The following PRRX1 variants were observed in gnomAD, a reference collection of about 807,000 sequenced individuals.
The protein encoded by PRRX1 is paired mesoderm homeobox protein 1.
PRRX1 carries 8 observed loss-of-function variants against 24.0 expected under a neutral mutation model. That is an observed-to-expected ratio of 0.33 (90% CI 0.20 to 0.60). PRRX1 has a LOEUF of 0.60. Among genes scored for constraint, PRRX1 ranks in the 20% least tolerant of loss-of-function variants. PRRX1 has a pLI of 0.82. For synonymous variants in PRRX1, 160 were observed against 131.7 expected (o/e 1.22, Z -1.47); for missense variants, 281 against 322.4 (o/e 0.87, Z 0.98).
At chr1:170,724,212 C>G (rs1655178589) in intron 2 of PRRX1, among the ~76,000 whole-genome samples, 1 of 152,112 alleles carries the variant, frequency 6.6e-6, no homozygotes, top group African/African-American at 2.4e-5. Context: ...GGATAGATTA[C>G]AAAAATCTTC....
chr1:170,718,456 G>T (rs1270465927), intron 1 of PRRX1, among the ~76,000 whole-genome samples: 1 of 152,120 alleles, frequency 6.6e-6, no homozygotes, highest in Admixed American at 6.5e-5. Flanking sequence ...TAATAGTTTT[G>T]CTGAGTACAT....
At position 170,719,706 on chromosome 1, in the gene PRRX1, A is replaced by G. The variant is rs751830909; in HGVS notation, c.242-20A>G. ...CCTACAGTGAATTTGGCTTCTTTTCATCATTGTGTTCTATTCCAGATGACC... is the reference window on the plus strand; with the variant it reads ...CCTACAGTGAATTTGGCTTCTTTTCGTCATTGTGTTCTATTCCAGATGACC... On this transcript the variant is annotated intron_variant, in intron 1 of 3. Coordinates refer to ENST00000239461, the MANE Select transcript of PRRX1 (RefSeq NM_022716.4). The G allele has an allele frequency of 1.2e-5, 19 of 1,613,512 alleles. No individual in the cohort carries two copies. The highest frequency in any genetic ancestry group is 1.4e-5 in the Non-Finnish European group (17 of 1,179,712).
In PRRX1 at chr1:170,681,494, C is replaced by CA. The variant is rs35891147; in HGVS notation, c.241+17046dup. Among the ~76,000 whole-genome samples, 1,058 of 143,690 alleles carry CA rather than the reference C, an allele frequency of 7.4e-3. 7 individuals are homozygous for CA. Among genetic ancestry groups the CA allele is most frequent in the African/African-American group, 0.018 (708 of 39,406 alleles). 94.3% of individuals were successfully genotyped at this position (143,690 alleles called of 152,430 possible). On this transcript the variant is annotated intron_variant, in intron 1 of 3. Coordinates refer to ENST00000239461, the MANE Select transcript of PRRX1 (RefSeq NM_022716.4). ...AATCCTGCAGAAAATGTTATCTTTG[C>CA]AAAAAAAAAAACCCTCTTAATAGCA... is the stretch of plus-strand genomic sequence containing the variant.
upstream of PRRX1, chr1:170,664,107 C>CTCTCTCTCTCTCTCTCTCTCTCTCTCT (rs1553250934): frequency 2.7e-6 from 3 of 1,091,330 alleles, no homozygotes; most frequent in African/African-American, 4.9e-5. Context: ...CTCTCTCTCT[C>CTCTCTCTCTCTCTCTCTCTCTCTCTCT]CACTACCCCC....
intron 3 of PRRX1, chr1:170,730,470 G>A: frequency 1.3e-6 from 1 of 776,286 alleles, no homozygotes; most frequent in Non-Finnish European, 2.2e-6. Flanking sequence ...CTCAAGTGAG[G>A]AATATTATTG....
intron 1 of PRRX1, chr1:170,667,308 G>GCACA (rs1299091079): frequency 1.1e-3 from 125 of 116,226 alleles, no homozygotes; most frequent in African/African-American, 4.8e-3. Context: ...GCGCGCGCGC[G>GCACA]CGCACACACA....
chr1:170,715,347 TAA>T (rs1274887250), intron 1 of PRRX1, among the ~76,000 whole-genome samples: 1 of 152,188 alleles, frequency 6.6e-6, no homozygotes, highest in Non-Finnish European at 1.5e-5. Flanking sequence ...TACTGTAATG[TAA>T]TATGTCAAGG....
intron 1 of PRRX1, among the ~76,000 whole-genome samples, chr1:170,698,523 C>T (rs984256453): frequency 6.6e-6 from 1 of 152,188 alleles, no homozygotes; most frequent in African/African-American, 2.4e-5. Context: ...GTTTTAGAAT[C>T]ACAGTAGAGG....
chr1:170,688,592 A>G (rs1220764957), intron 1 of PRRX1, among the ~76,000 whole-genome samples: 1 of 152,184 alleles, frequency 6.6e-6, no homozygotes, highest in African/African-American at 2.4e-5. Context: ...AAACATTTAA[A>G]TAAACCTCCT....
In PRRX1 at chr1:170,738,016, T is replaced by A. The variant is rs190652230; in HGVS notation, c.*1830T>A. ...ATACTTATAACCTTGTATTTGGAAA[T>A]GAGAAATAGGTTTATATTTTCAGAT... On this transcript the variant is annotated 3_prime_UTR_variant, in exon 4 of 4. Coordinates refer to ENST00000239461, the MANE Select transcript of PRRX1 (RefSeq NM_022716.4). 4.6e-6 allele frequency: 1 copy of A among 217,596 alleles called. No individual in the cohort carries two copies. Among genetic ancestry groups the A allele is most frequent in the Non-Finnish European group, 9.3e-6 (1 of 107,842 alleles). The allele number at this position is 217,596 out of a possible 1,614,324, so 13.5% of individuals were successfully genotyped here. A position where few individuals can be genotyped will look rare whatever the true frequency, so the allele number is the denominator to read the frequency against.
intron 2 of PRRX1, among the ~76,000 whole-genome samples, chr1:170,720,644 G>A (rs550859287): frequency 9.9e-5 from 15 of 152,284 alleles, no homozygotes; most frequent in South Asian, 8.3e-4. Context: ...CAAGAAACTT[G>A]TTGTAAGTAC....
chr1:170,663,129 A>C, upstream of PRRX1: 1 of 145,474 alleles, frequency 6.9e-6, no homozygotes, highest in African/African-American at 2.6e-5. Context: ...TTTCTCTCTA[A>C]CTCTGATGTT....
At chr1:170,734,972 A>G (rs1472370561) in intron 3 of PRRX1, among the ~76,000 whole-genome samples, 1 of 152,212 alleles carries the variant, frequency 6.6e-6, no homozygotes, top group Non-Finnish European at 1.5e-5. Context: ...ATTGGAATGC[A>G]GGCAACAGAA....
intron 1 of PRRX1, chr1:170,667,693 T>A (rs1334620211): frequency 6.6e-6 from 1 of 152,144 alleles, no homozygotes; most frequent in East Asian, 1.9e-4. Flanking sequence ...ACCAGGAGTC[T>A]GGCGCTCTTT....
chr1:170,679,597 C>A (rs1653439374), intron 1 of PRRX1, among the ~76,000 whole-genome samples: 1 of 152,130 alleles, frequency 6.6e-6, no homozygotes, highest in Admixed American at 6.5e-5. Flanking sequence ...GACGGGGCTT[C>A]ACCGTGTTAG....
intron 1 of PRRX1, among the ~76,000 whole-genome samples, chr1:170,687,315 G>A (rs544733244): frequency 6.6e-6 from 1 of 152,256 alleles, no homozygotes; most frequent in Admixed American, 6.5e-5. Context: ...GGCATTTATT[G>A]AAACTAAACA....
intron 2 of PRRX1, among the ~76,000 whole-genome samples, chr1:170,721,582 G>A (rs1014373610): frequency 2.0e-5 from 3 of 152,154 alleles, no homozygotes; most frequent in African/African-American, 7.2e-5. Context: ...AAAGAAAAAT[G>A]TCAGTGACAA....
intron 1 of PRRX1, among the ~76,000 whole-genome samples, chr1:170,691,228 G>A (rs1040138767): frequency 1.3e-5 from 2 of 152,108 alleles, no homozygotes; most frequent in African/African-American, 4.8e-5. Context: ...CAGATGGGTT[G>A]CATGTTTGCA....
chr1:170,684,173 A>C lies in PRRX1; in HGVS notation c.241+19714A>C, dbSNP rs531085910. Reference sequence around the variant, plus strand: ...TTCCTCCTCTTTTCCCTATCACTCAATGGTCCCTCGTGCTCTCAGGTGGCA... The same window carrying C: ...TTCCTCCTCTTTTCCCTATCACTCACTGGTCCCTCGTGCTCTCAGGTGGCA... On this transcript the variant is annotated intron_variant, in intron 1 of 3. Coordinates refer to ENST00000239461, the MANE Select transcript of PRRX1 (RefSeq NM_022716.4). Among the ~76,000 whole-genome samples the C allele has an allele frequency of 3.3e-5, 5 of 152,248 alleles. No homozygotes were observed. The East Asian group carries it at 9.6e-4, about 29-fold the overall frequency.
Sources: allele counts gnomAD v4.1 joint callset (sites outside exome capture counted in the v4.1 genomes callset), GRCh38; gene constraint gnomAD v4.1.1; transcripts MANE v1.5; gene names NCBI Gene and HGNC (gene_info 2026-07-23, HGNC 2026-07-21).